The following TMEM272 variants were observed in gnomAD, a reference collection of about 807,000 sequenced individuals.
TMEM272 encodes transmembrane protein 272, also known as long intergenic non-protein coding RNA 282.
A neutral mutation model predicts 3.7 loss-of-function variants in TMEM272; 8 were observed. The observed-to-expected ratio is 2.17, with a 90% confidence interval of 1.27 to 3.91. The LOEUF (loss-of-function observed/expected upper bound fraction) is 3.91, where lower values mean the gene tolerates loss of function less well. Ranked by LOEUF, TMEM272 falls within the 30% of genes most tolerant of loss-of-function variation. The pLI, the probability that TMEM272 is intolerant of heterozygous loss-of-function variation, is 0.00. For synonymous variants in TMEM272, 63 were observed against 39.8 expected, an observed-to-expected ratio of 1.58 and a Z score of -2.20; for missense variants, 166 against 91.5, an observed-to-expected ratio of 1.81 and a Z score of -3.32.
At chr13:51,909,784 C>T in the TMEM272 span, 9 of 1,583,210 alleles carry the variant, frequency 5.7e-6, no homozygotes, top group East Asian at 2.2e-5. Context: ...TCTTCCAGCA[C>T]AGCAGCCTGA....
the TMEM272 span, among the ~76,000 whole-genome samples, chr13:51,913,537 C>G: frequency 6.6e-6 from 1 of 152,220 alleles, no homozygotes. Flanking sequence ...GGATTTGCAG[C>G]TGCATTGCAG....
chr13:51,834,085 T>C (rs1196565696), intron 2 of TMEM272, among the ~76,000 whole-genome samples: 1 of 152,130 alleles, frequency 6.6e-6, no homozygotes, highest in African/African-American at 2.4e-5. Flanking sequence ...TTGACACCGG[T>C]GCTGACCTGA....
At chr13:51,854,660 T>G in the TMEM272 span, among the ~76,000 whole-genome samples, 1 of 152,226 alleles carries the variant, frequency 6.6e-6, no homozygotes, top group African/African-American at 2.4e-5. Context: ...TCTGAAATTC[T>G]CTATGCACTT....
At chr13:51,843,420 G>A (rs1420423095) in intron 1 of TMEM272, among the ~76,000 whole-genome samples, 3 of 152,160 alleles carry the variant, frequency 2.0e-5, no homozygotes, top group Non-Finnish European at 4.4e-5. Context: ...GCCCTTTGAA[G>A]CGGCAGCTCT....
chr13:51,877,547 A>G, the TMEM272 span, among the ~76,000 whole-genome samples: 5 of 152,224 alleles, frequency 3.3e-5, no homozygotes, highest in Non-Finnish European at 7.3e-5. Flanking sequence ...ATTTGTCCCA[A>G]TTTTGGATTG....
the TMEM272 span, among the ~76,000 whole-genome samples, chr13:51,851,175 A>G: frequency 2.0e-5 from 3 of 152,274 alleles, no homozygotes; most frequent in Middle Eastern, 6.8e-3. Context: ...CTCTACAAAA[A>G]GTACAAAAAT....
chr13:51,853,612 G>A, the TMEM272 span, among the ~76,000 whole-genome samples: 1 of 152,148 alleles, frequency 6.6e-6, no homozygotes, highest in East Asian at 1.9e-4. Context: ...GTTCACACCT[G>A]TGTTGTTCAA....
At chr13:51,890,034 GTC>G in the TMEM272 span, among the ~76,000 whole-genome samples, 2 of 152,190 alleles carry the variant, frequency 1.3e-5, no homozygotes, top group African/African-American at 4.8e-5. Flanking sequence ...ATGGGGCGCA[GTC>G]CAAGTGCCTG....
intron 1 of TMEM272, among the ~76,000 whole-genome samples, chr13:51,842,237 A>C (rs2139590933): frequency 6.6e-6 from 1 of 152,282 alleles, no homozygotes; most frequent in African/African-American, 2.4e-5. Flanking sequence ...CGTGGGTAGT[A>C]TTTTCATTTC....
chr13:51,836,136 C>T (rs901382510), intron 2 of TMEM272, among the ~76,000 whole-genome samples: 1 of 152,164 alleles, frequency 6.6e-6, no homozygotes, highest in Admixed American at 6.5e-5. Flanking sequence ...GGTGATCAGG[C>T]CCTGGGAGCA....
At chr13:51,916,295 AGCCCAGTGAACG>A in the TMEM272 span, among the ~76,000 whole-genome samples, 2 of 152,324 alleles carry the variant, frequency 1.3e-5, no homozygotes, top group South Asian at 2.1e-4. Flanking sequence ...TTCAGTGAAC[AGCCCAGTGAACG>A]GCCCAGTGAA....
At chr13:51,849,039 T>C (rs1956319606), upstream of TMEM272, among the ~76,000 whole-genome samples, 2 of 152,188 alleles carry the variant, frequency 1.3e-5, no homozygotes, top group South Asian at 4.1e-4. Flanking sequence ...GACTTCTACC[T>C]GAGTCAAAAA....
At chr13:51,881,456 TAGAA>T in the TMEM272 span, among the ~76,000 whole-genome samples, 49,338 of 151,184 alleles carry the variant, frequency 0.33, 8,145 homozygotes, top group East Asian at 0.44. Context: ...TGATGGAAAA[TAGAA>T]AGAGGAAGTA....
chr13:51,876,908 C>A, the TMEM272 span, among the ~76,000 whole-genome samples: 1 of 152,132 alleles, frequency 6.6e-6, no homozygotes, highest in African/African-American at 2.4e-5. Flanking sequence ...GTGGATTTCT[C>A]TGGAAATCTG....
At chr13:51,867,158 T>C in the TMEM272 span, among the ~76,000 whole-genome samples, 2 of 152,160 alleles carry the variant, frequency 1.3e-5, no homozygotes, top group Non-Finnish European at 2.9e-5. Flanking sequence ...TACCTCACCG[T>C]AGTGGGTCCC....
the TMEM272 span, among the ~76,000 whole-genome samples, chr13:51,863,375 G>A: frequency 5.8e-4 from 89 of 152,184 alleles, no homozygotes; most frequent in Non-Finnish European, 1.1e-3. Context: ...CACCTGTAGG[G>A]CTACAGTGCA....
chr13:51,835,975 A>G (rs1319015997), intron 2 of TMEM272, among the ~76,000 whole-genome samples: 3 of 152,208 alleles, frequency 2.0e-5, no homozygotes, highest in African/African-American at 7.2e-5. Flanking sequence ...TTGATGACCT[A>G]ATAAAGCCTT....
chr13:51,875,631 C>T, the TMEM272 span, among the ~76,000 whole-genome samples: 1 of 152,144 alleles, frequency 6.6e-6, no homozygotes, highest in East Asian at 1.9e-4. Context: ...CTGACTTGGC[C>T]CAGGGGTTAT....
In TMEM272 at chr13:51,816,797, C is replaced by T; in HGVS notation, c.518G>A (p.Cys173Tyr). The change falls in exon 5 of 5, where the codon TGT becomes TAT. Residue 173 changes from cysteine (C) to tyrosine (Y), a missense_variant. Transcript: ENST00000629372. ...VLVLLLLCSG[C>Y]VYLCSRWRLA... ...TCTCCACCTGGAGCACAGGTAGACA[C>T]AGCCGCTGCACAGCAGGAGCAAGAC... is the stretch of plus-strand genomic sequence containing the variant. 1.4e-6 allele frequency: 1 copy of T among 702,862 alleles called. No individual in the cohort carries two copies. Among genetic ancestry groups the T allele is most frequent in the Non-Finnish European group, 2.6e-6 (1 of 384,880 alleles). 43.5% of individuals were successfully genotyped at this position (702,862 alleles called of 1,614,324 possible). A position where few individuals can be genotyped will look rare whatever the true frequency, so the allele number is the denominator to read the frequency against.
Sources: gnomAD v4.1 joint callset for allele counts (sites outside exome capture counted in the v4.1 genomes callset) on GRCh38, gnomAD v4.1.1 for gene constraint, MANE v1.5 for transcripts, NCBI Gene and HGNC (gene_info 2026-07-23, HGNC 2026-07-21) for gene names.